SLC24A4: variants seen among roughly 807,000 people sequenced by gnomAD.
SLC24A4 encodes sodium/potassium/calcium exchanger 4.
Under a neutral mutation model 79.0 loss-of-function variants are expected in SLC24A4, and 53 were observed. The observed-to-expected ratio is 0.67, with a 90% CI of 0.54 to 0.84. The LOEUF is 0.84. Ranked by LOEUF, SLC24A4 falls within the 40% of genes least tolerant of loss-of-function variation. The probability of loss-of-function intolerance (pLI) is 0.00; values close to 1 mark genes in which losing one functional copy is unlikely to be tolerated. For missense variants in SLC24A4, 731 were observed against 822.0 expected, an observed-to-expected ratio of 0.89 and a Z score of 1.35; for synonymous variants, 323 against 323.8, an observed-to-expected ratio of 1.00 and a Z score of 0.03.
intron 2 of SLC24A4, among the ~76,000 whole-genome samples, chr14:92,339,159 C>G (rs898121552): frequency 2.0e-5 from 3 of 152,196 alleles, no homozygotes; most frequent in Admixed American, 1.3e-4. Flanking sequence ...GTCCTAGATG[C>G]GGACCCGGCC....
rs116186627 is a variant in SLC24A4 at position 92,416,294 on chromosome 14, C to T, written c.242-17618C>T. Among the ~76,000 whole-genome samples, 662 of 152,064 alleles carry T rather than the reference C, an allele frequency of 4.4e-3. 6 individuals are homozygous for T. Among genetic ancestry groups the T allele is most frequent in the African/African-American group, 0.015 (641 of 41,490 alleles). On this transcript the variant is annotated intron_variant, in intron 2 of 16. Transcript: ENST00000532405. ...GCAGAGATGCGTTTCTCTGTGTTGG[C>T]GATCAGGGTCTTTCCTGCCACGCTC...
intron 2 of SLC24A4, among the ~76,000 whole-genome samples, chr14:92,432,267 G>A (rs113887474): frequency 2.6e-5 from 4 of 152,320 alleles, no homozygotes; most frequent in Middle Eastern, 6.8e-3. Flanking sequence ...TAGAACCAAC[G>A]CCCCTTCCCT....
chr14:92,456,151 G>A (rs895730408), intron 11 of SLC24A4, among the ~76,000 whole-genome samples: 1 of 152,238 alleles, frequency 6.6e-6, no homozygotes, highest in Admixed American at 6.5e-5. Flanking sequence ...CTGGGTTGTC[G>A]AGCTGGCAGT....
intron 2 of SLC24A4, among the ~76,000 whole-genome samples, chr14:92,343,588 CTT>C (rs1491477879): frequency 1.1e-5 from 1 of 92,298 alleles, no homozygotes; most frequent in Non-Finnish European, 2.4e-5. Flanking sequence ...TGTTTTCTTT[CTT>C]TCTTTCTTTC....
intron 2 of SLC24A4, among the ~76,000 whole-genome samples, chr14:92,357,051 G>A (rs2141656821): frequency 6.6e-6 from 1 of 152,302 alleles, no homozygotes; most frequent in South Asian, 2.1e-4. Flanking sequence ...TAGCTTTAAT[G>A]AGTATCAGTT....
intron 2 of SLC24A4, among the ~76,000 whole-genome samples, chr14:92,338,336 A>G (rs1050291414): frequency 4.6e-5 from 7 of 152,232 alleles, no homozygotes; most frequent in Non-Finnish European, 7.3e-5. Context: ...TGCTGTGCAA[A>G]TATGATTACT....
intron 12 of SLC24A4, among the ~76,000 whole-genome samples, chr14:92,482,315 G>A (rs1389785228): frequency 2.6e-5 from 4 of 152,230 alleles, no homozygotes; most frequent in African/African-American, 9.6e-5. Flanking sequence ...GTAGAGTTGG[G>A]ATTCTCAAGG....
In SLC24A4 at chr14:92,428,353, C is replaced by G. The variant is rs115340106; in HGVS notation, c.242-5559C>G. Among the ~76,000 whole-genome samples, 1,439 of 152,278 alleles carry G rather than the reference C, an allele frequency of 9.4e-3. 24 individuals carry two copies. Among genetic ancestry groups the G allele is most frequent in the African/African-American group, 0.033 (1,367 of 41,544 alleles). On this transcript the variant is annotated intron_variant, in intron 2 of 16. Transcript: ENST00000532405. ...CTAGCTGCAAGGGGGCCAAGCTCCT[C>G]CAAATGAGAAGTAGGACTGGGCTGT...
At chr14:92,397,992 G>A (rs1184693476) in intron 2 of SLC24A4, among the ~76,000 whole-genome samples, 2 of 152,158 alleles carry the variant, frequency 1.3e-5, no homozygotes, top group Admixed American at 6.5e-5. Context: ...CACAAGCCAC[G>A]CAACCAATAA....
intron 13 of SLC24A4, chr14:92,483,892 G>A: frequency 7.8e-7 from 1 of 1,286,964 alleles, no homozygotes; most frequent in Non-Finnish European, 1.0e-6. Context: ...ATGAGAGACA[G>A]CAGGGCCAGT....
intron 2 of SLC24A4, among the ~76,000 whole-genome samples, chr14:92,403,943 A>G (rs1890245804): frequency 6.7e-6 from 1 of 150,364 alleles, no homozygotes; most frequent in Non-Finnish European, 1.5e-5. Flanking sequence ...GGTAAAGCGG[A>G]TGGGGCTAGT....
At chr14:92,423,491 G>T (rs1366867926) in intron 2 of SLC24A4, among the ~76,000 whole-genome samples, 1 of 152,156 alleles carries the variant, frequency 6.6e-6, no homozygotes, top group South Asian at 2.1e-4. Context: ...TATATGCCTT[G>T]TCTAGTAGAG....
At chr14:92,342,037 GT>G (rs1334326265) in intron 2 of SLC24A4, among the ~76,000 whole-genome samples, 2 of 152,196 alleles carry the variant, frequency 1.3e-5, no homozygotes, top group Non-Finnish European at 2.9e-5. Flanking sequence ...GAAAGGAAAG[GT>G]GGGGAAGTTG....
chr14:92,401,538 T>C (rs1017684609), intron 2 of SLC24A4, among the ~76,000 whole-genome samples: 4 of 152,260 alleles, frequency 2.6e-5, no homozygotes, highest in Admixed American at 2.6e-4. Context: ...GAACCCTCCA[T>C]GTGCCTAAGA....
chr14:92,469,433 C>T (rs570597078), intron 12 of SLC24A4, among the ~76,000 whole-genome samples: 15 of 151,608 alleles, frequency 9.9e-5, no homozygotes, highest in African/African-American at 3.4e-4. Context: ...GGCATGAACC[C>T]GGGAGGCAGA....
At chr14:92,410,519 T>G (rs1211904793) in intron 2 of SLC24A4, among the ~76,000 whole-genome samples, 2 of 152,152 alleles carry the variant, frequency 1.3e-5, no homozygotes, top group African/African-American at 4.8e-5. Context: ...AAGCAAAAAT[T>G]ACCATGGATG....
Position 92,352,786 on chromosome 14 carries a change from C to T in SLC24A4, c.241+26808C>T, listed in dbSNP as rs987463677. Among the ~76,000 whole-genome samples the T allele has an allele frequency of 1.4e-4, 21 of 152,220 alleles. No homozygotes were observed. In the Middle Eastern group the frequency reaches 0.014, roughly 99 times the overall value. ...GTTAGAGTTGCAGGGGTACTTATAT[C>T]GGGGTGAGAGCAGGGCGCCCCCTTG... On this transcript the variant is annotated intron_variant, in intron 2 of 16. Transcript: ENST00000532405.
At chr14:92,327,361 C>T (rs900499464) in intron 2 of SLC24A4, among the ~76,000 whole-genome samples, 1 of 152,182 alleles carries the variant, frequency 6.6e-6, no homozygotes, top group African/African-American at 2.4e-5. Context: ...CTCATCCTGT[C>T]ATTCCCTCCC....
chr14:92,435,778 A>G (rs1397139091), intron 3 of SLC24A4, among the ~76,000 whole-genome samples: 1 of 152,236 alleles, frequency 6.6e-6, no homozygotes. Flanking sequence ...TTGTTGGCAC[A>G]TTTTGAACGA....
Sources: gnomAD v4.1 joint callset for allele counts (sites outside exome capture counted in the v4.1 genomes callset) on GRCh38, gnomAD v4.1.1 for gene constraint, MANE v1.5 for transcripts, NCBI Gene and HGNC (gene_info 2026-07-23, HGNC 2026-07-21) for gene names.